Variants in KIRREL2 observed in about 807,000 individuals in gnomAD.
The protein encoded by KIRREL2 is kirre like nephrin family adhesion molecule 2.
KIRREL2 carries 56 observed loss-of-function variants against 73.4 expected under a neutral mutation model. That is an observed-to-expected ratio of 0.76 (90% CI 0.62 to 0.95). KIRREL2 has a LOEUF of 0.95. Ranked by LOEUF, KIRREL2 falls within the 40% of genes least tolerant of loss-of-function variation. The pLI is 0.00. For missense variants in KIRREL2, 896 were observed against 935.0 expected, an observed-to-expected ratio of 0.96 and a Z score of 0.54; for synonymous variants, 407 against 404.0, an observed-to-expected ratio of 1.01 and a Z score of -0.09.
rs779832976 is a variant in KIRREL2, at chr19:35,860,960, A to G, written c.980A>G (p.Glu327Gly). ...GAGCCCGTGTCCGTGGACGTGGGGG[A>G]AGACGCTTCCTTCAGCTGCGCCTGG... ...KPEPVSVDVG[E>G]DASFSCAWRG... Residue 327 changes from glutamate (E) to glycine (G), a missense_variant, in exon 8 of 15, where the codon GAA becomes GGA. Transcript: ENST00000360202. 1 of 1,613,820 alleles carries G rather than the reference A, an allele frequency of 6.2e-7. No homozygotes were observed. The highest frequency in any genetic ancestry group is 8.5e-7 in the Non-Finnish European group (1 of 1,179,972).
chr19:35,855,983 TC>T (rs1973408978), upstream of KIRREL2: 1 of 151,966 alleles, frequency 6.6e-6, no homozygotes, highest in Non-Finnish European at 1.5e-5. Context: ...CAACCCCCAC[TC>T]CCAACCCCAC....
chr19:35,862,346 C>G lies in KIRREL2; in HGVS notation c.1511-147C>G, dbSNP rs975112703. On this transcript the variant is annotated intron_variant, in intron 11 of 14. Coordinates refer to ENST00000360202, the MANE Select transcript of KIRREL2 (RefSeq NM_199180.4). The stretch of plus-strand genomic sequence containing the variant: ...TAAAGCCAGGGAGTTTAAACTCACT[C>G]TCAAACTTGGGGAACCCCAAATTCA... 5 of 696,290 alleles carry G rather than the reference C, an allele frequency of 7.2e-6. No homozygotes were observed. In the African/African-American group the frequency reaches 8.9e-5, roughly 12 times the overall value. 43.1% of individuals were successfully genotyped at this position (696,290 alleles called of 1,614,324 possible). A position where few individuals can be genotyped will look rare whatever the true frequency, so the allele number is the denominator to read the frequency against.
At chr19:35,851,462 G>A (rs1459119408), upstream of KIRREL2, 1 of 1,613,468 alleles carries the variant, frequency 6.2e-7, no homozygotes, top group Admixed American at 1.7e-5. Context: ...CTTACCTCTA[G>A]CAGGGTCCCC....
In KIRREL2 at chr19:35,859,548, A is replaced by T; in HGVS notation, c.590A>T (p.Asp197Val). ...TTAACCCTGACCCCTTTCAGCCATG[A>T]TGATGGAGCCACCTTTGTCTGCCGG... Reference protein sequence around the residue: ...STLTLTPFSHDDGATFVCRAR... With the variant: ...STLTLTPFSHVDGATFVCRAR... The change falls in exon 5 of 15, where the codon GAT becomes GTT. Residue 197 changes from aspartate to valine, a missense_variant. Physicochemically the swap from Asp to Val is radical, Grantham distance 152. Coordinates refer to ENST00000360202, the MANE Select transcript of KIRREL2 (RefSeq NM_199180.4). 1 of 1,614,130 alleles carries T rather than the reference A, an allele frequency of 6.2e-7. No homozygotes were observed. Among genetic ancestry groups the T allele is most frequent in the Non-Finnish European group, 8.5e-7 (1 of 1,180,000 alleles).
intron 12 of KIRREL2, 146 bp from the exon 13 acceptor site, chr19:35,862,781 C>T: frequency 2.9e-6 from 2 of 684,096 alleles, no homozygotes; most frequent in South Asian, 1.7e-5. Context: ...CAGGGTCACA[C>T]TCCTCGGTGG....
chr19:35,861,506 C>G, intron 9 of KIRREL2, 35 bp from the exon 10 acceptor site: 1 of 1,595,080 alleles, frequency 6.3e-7, no homozygotes, highest in Non-Finnish European at 8.6e-7. Context: ...GAGGGCAAGA[C>G]CTCTCCTCTG....
intron 2 of KIRREL2, among the ~76,000 whole-genome samples, chr19:35,857,990 CAAA>C (rs112446441): frequency 2.0e-4 from 16 of 78,192 alleles, no homozygotes; most frequent in Non-Finnish European, 3.0e-4. Context: ...GACCCTGTCT[CAAA>C]AAAAAAAAAA....
rs992384990 is a variant in KIRREL2 at position 35,860,762 on chromosome 19, G to A, written c.928+95G>A. 3.0e-5 allele frequency: 47 copies of A among 1,581,250 alleles called. No homozygotes were observed. The African/African-American group carries it at 3.2e-4, about 11-fold the overall frequency. ...CCTGGAGGGGCGGGGCCGGGAGAGC[G>A]AGCGTGGGGTATTAGGAGGAGGAGA... On this transcript the variant is annotated intron_variant, in intron 7 of 14. Transcript: ENST00000360202.
chr19:35,857,004 G>T lies in KIRREL2; in HGVS notation c.-116G>T, dbSNP rs1323637280. ...GACTCCAGGCCAGAGACTAGGCTGGGCGAAGAGTCGAGCGTGAAGGGGGCT... is the reference window on the plus strand; with the variant it reads ...GACTCCAGGCCAGAGACTAGGCTGGTCGAAGAGTCGAGCGTGAAGGGGGCT... On this transcript the variant is annotated 5_prime_UTR_variant, in exon 1 of 15. Transcript: ENST00000360202. The T allele has an allele frequency of 1.9e-6, 2 of 1,050,854 alleles. No individual in the cohort carries two copies. Among genetic ancestry groups the T allele is most frequent in the Non-Finnish European group, 3.0e-6 (2 of 676,256 alleles). 65.1% of individuals were successfully genotyped at this position (1,050,854 alleles called of 1,614,324 possible).
intron 14 of KIRREL2, 24 bp from the exon 15 acceptor site, chr19:35,866,133 A>T: frequency 6.3e-7 from 1 of 1,590,766 alleles, no homozygotes. Flanking sequence ...CACAGACTTT[A>T]CTGAGTCCCA....
upstream of KIRREL2, among the ~76,000 whole-genome samples, chr19:35,852,597 T>A (rs1396398209): frequency 6.6e-6 from 1 of 151,772 alleles, no homozygotes; most frequent in African/African-American, 2.4e-5. Flanking sequence ...GAGCATAAAA[T>A]CCCCTGTCAG....
At chr19:35,866,083 T>C (rs1053039239) in intron 14 of KIRREL2, 74 bp from the exon 15 acceptor site, 3 of 1,413,038 alleles carry the variant, frequency 2.1e-6, no homozygotes, top group Admixed American at 2.2e-5. Context: ...TCTATTTCAG[T>C]GTGTCTCTCC....
chr19:35,859,711 G>C lies in KIRREL2; in HGVS notation c.673+80G>C, dbSNP rs1273112947. 1.2e-5 allele frequency: 18 copies of C among 1,515,338 alleles called. No homozygotes were observed. In the East Asian group the frequency reaches 4.1e-4, roughly 35 times the overall value. 93.9% of individuals were successfully genotyped at this position (1,515,338 alleles called of 1,614,324 possible). A position where few individuals can be genotyped will look rare whatever the true frequency, so the allele number is the denominator to read the frequency against. On this transcript the variant is annotated intron_variant, in intron 5 of 14. Coordinates refer to ENST00000360202, the MANE Select transcript of KIRREL2 (RefSeq NM_199180.4). ...GAGGAAGGAGGGGACTGTGGCCCTT[G>C]GGGAATGAGGAAACTGGAGCCTGGA...
chr19:35,864,497 C>A, intron 13 of KIRREL2, 151 bp from the exon 14 acceptor site: 1 of 583,142 alleles, frequency 1.7e-6, no homozygotes, highest in Non-Finnish European at 3.1e-6. Flanking sequence ...CTTCTTACAG[C>A]CCTTTTATTG....
Position 35,857,406 on chromosome 19 carries a change from C to A in KIRREL2, c.123C>A (p.Ala41=), listed in dbSNP as rs932690665. ...EDLVVLLGEE[A]RLPCALGAYW... ...TGGTGGTGCTGCTGGGGGAGGAAGC[C>A]CGGCTGCCGTGTGCTCTGGGCGCCT... The change falls in exon 2 of 15, where the codon GCC becomes GCA. Residue 41 remains alanine, a synonymous_variant. Coordinates refer to ENST00000360202, the MANE Select transcript of KIRREL2 (RefSeq NM_199180.4). The A allele has an allele frequency of 8.7e-6, 14 of 1,612,922 alleles. No homozygotes were observed. In the African/African-American group the frequency reaches 1.9e-4, roughly 22 times the overall value.
intron 9 of KIRREL2, 61 bp downstream of exon 9, chr19:35,861,315 G>C (rs1370418640): frequency 4.6e-6 from 7 of 1,506,560 alleles, no homozygotes; most frequent in Non-Finnish European, 6.2e-6. Flanking sequence ...CGGACAGAGG[G>C]GGCAAGGGCT....
chr19:35,855,656 TACACACACACACACACAC>T (rs57458964), upstream of KIRREL2, among the ~76,000 whole-genome samples: 16 of 84,922 alleles, frequency 1.9e-4, no homozygotes, highest in South Asian at 4.5e-4. Context: ...CACCTCCCCA[TACACACACACACACACAC>T]ACACACACAC....
chr19:35,862,315 A>T (rs998682349), intron 11 of KIRREL2, among the ~76,000 whole-genome samples, 178 bp from the exon 12 acceptor site: 1 of 151,870 alleles, frequency 6.6e-6, no homozygotes, highest in African/African-American at 2.4e-5. Flanking sequence ...AAATTCTAAG[A>T]CTCCCTAAAG....
rs1973444668 is a variant in KIRREL2, at chr19:35,856,941, T to C, written c.-179T>C. 1 of 716,592 alleles carries C rather than the reference T, an allele frequency of 1.4e-6. No individual in the cohort carries two copies. 44.4% of individuals were successfully genotyped at this position (716,592 alleles called of 1,614,324 possible). A position where few individuals can be genotyped will look rare whatever the true frequency, so the allele number is the denominator to read the frequency against. On this transcript the variant is annotated 5_prime_UTR_variant, in exon 1 of 15. Coordinates refer to ENST00000360202, the MANE Select transcript of KIRREL2 (RefSeq NM_199180.4). The surrounding 1 kb of genome is among the most constrained non-coding windows in gnomAD (Gnocchi z 5.9). ...CCCAGGCCGCGGAACTGGCAGGCGT[T>C]TCAGAGCGTCAGAGGCTGCGGATGA...
Sources: gnomAD v4.1 joint callset for allele counts (sites outside exome capture counted in the v4.1 genomes callset) on GRCh38, gnomAD v4.1.1 for gene constraint, Gnocchi (gnomAD v3.1) non-coding constraint, MANE v1.5 for transcripts, NCBI Gene and HGNC (gene_info 2026-07-23, HGNC 2026-07-21) for gene names.